Variants in IL10 observed in about 807,000 individuals in gnomAD.
The protein encoded by IL10 is interleukin 10.
In IL10, 7 loss-of-function variants were observed where a neutral mutation model predicts 21.0. The observed-to-expected ratio is 0.33, with a 90% CI of 0.19 to 0.63. IL10 has a LOEUF of 0.63. Ranked by LOEUF, IL10 falls within the 20% of genes least tolerant of loss-of-function variation. The pLI is 0.77. For synonymous variants in IL10, 83 were observed against 79.7 expected, an observed-to-expected ratio of 1.04 and a Z score of -0.22; for missense variants, 161 against 213.0, an observed-to-expected ratio of 0.76 and a Z score of 1.52.
At chr1:206,768,849 G>T (rs976668241) in intron 4 of IL10, 121 bp from the exon 5 acceptor site, 6 of 711,986 alleles carry the variant, frequency 8.4e-6, no homozygotes, top group Admixed American at 8.0e-5. Flanking sequence ...TCTCCCTCAC[G>T]CTGGGAAGTA....
chr1:206,771,640 G>A (rs747717540), intron 1 of IL10, among the ~76,000 whole-genome samples: 18 of 152,168 alleles, frequency 1.2e-4, no homozygotes, highest in Non-Finnish European at 2.4e-4. Flanking sequence ...AAATCTGGCC[G>A]ATTTTGAAGG....
Position 206,772,368 on chromosome 1 carries a change from C to T in IL10, c.68G>A (p.Gly23Asp). 2 of 1,614,142 alleles carry T rather than the reference C, an allele frequency of 1.2e-6. No individual in the cohort carries two copies. Among genetic ancestry groups the T allele is most frequent in the Non-Finnish European group, 1.7e-6 (2 of 1,179,994 alleles). Residue 23 changes from glycine to aspartate, a missense_variant, in exon 1 of 5, where the codon GGC becomes GAC. Physicochemically the swap from Gly to Asp is moderately conservative, Grantham distance 94. Transcript: ENST00000423557. ...GGTGCAGCTGTTCTCAGACTGGGTG[C>T]CCTGGCCTGGGCTGGCCCTCACCCC... Reference protein sequence around the residue: ...LTGVRASPGQGTQSENSCTHF... With the variant: ...LTGVRASPGQDTQSENSCTHF...
At chr1:206,769,690 C>T in intron 4 of IL10, 139 bp downstream of exon 4, 1 of 744,386 alleles carries the variant, frequency 1.3e-6, no homozygotes. Flanking sequence ...CTGAGCAGGT[C>T]ATACCATCTG....
chr1:206,770,077 C>G (rs1479401105), intron 3 of IL10, among the ~76,000 whole-genome samples, 183 bp from the exon 4 acceptor site: 1 of 152,176 alleles, frequency 6.6e-6, no homozygotes, highest in African/African-American at 2.4e-5. Flanking sequence ...TTCTCCAGGA[C>G]TCACTCCAAG....
chr1:206,772,385 C>T lies in IL10; in HGVS notation c.51G>A (p.Arg17=), dbSNP rs1338962228. 1 of 1,614,040 alleles carries T rather than the reference C, an allele frequency of 6.2e-7. No individual in the cohort carries two copies. Among genetic ancestry groups the T allele is most frequent in the Admixed American group, 1.7e-5 (1 of 60,024 alleles). The change falls in exon 1 of 5, where the codon AGG becomes AGA. Residue 17 remains arginine (R), a synonymous_variant. Transcript: ENST00000423557. ...ACTGGGTGCCCTGGCCTGGGCTGGC[C>T]CTCACCCCAGTCAGGAGGACCAGGC... ...LCCLVLLTGV[R]ASPGQGTQSE...
intron 3 of IL10, 107 bp from the exon 4 acceptor site, chr1:206,770,001 T>C: frequency 1.2e-6 from 1 of 840,870 alleles, no homozygotes. Flanking sequence ...TTTATCCAAA[T>C]GCCTTGCCTC....
At position 206,769,890 on chromosome 1, in the gene IL10, C is replaced by G; in HGVS notation, c.383G>C (p.Arg128Pro). The G allele has an allele frequency of 6.2e-7, 1 of 1,613,566 alleles. No homozygotes were observed. The highest frequency in any genetic ancestry group is 1.3e-5 in the African/African-American group (1 of 75,006). Residue 128 changes from arginine to proline, a missense_variant, in exon 4 of 5, where the codon CGA becomes CCA. Arg to Pro is a moderately radical substitution (Grantham distance 103). Coordinates refer to ENST00000423557, the MANE Select transcript of IL10 (RefSeq NM_000572.3). ...TLRLRLRRCH[R>P]FLPCENKSKA... ...GCTCTTGTTTTCACAGGGAAGAAAT[C>G]GATGCTGTGGAAGAAAAGAGAAAGT...
intron 1 of IL10, 123 bp downstream of exon 1, chr1:206,772,148 T>C (rs1674868456): frequency 2.4e-6 from 2 of 848,932 alleles, no homozygotes; most frequent in Admixed American, 3.9e-5. Context: ...GAATTTAAGT[T>C]TGGGGGAATA....
At chr1:206,771,989 T>C (rs2102440541) in intron 1 of IL10, among the ~76,000 whole-genome samples, 1 of 152,332 alleles carries the variant, frequency 6.6e-6, no homozygotes, top group East Asian at 1.9e-4. Context: ...TCCTAGCCAA[T>C]AAAGTATAGA....
intron 1 of IL10, 23 bp downstream of exon 1, chr1:206,772,248 G>C: frequency 5.0e-6 from 8 of 1,608,368 alleles, no homozygotes; most frequent in Non-Finnish European, 6.8e-6. Flanking sequence ...AAGAGAGAAA[G>C]GACAGGAAGG....
Position 206,771,008 on chromosome 1 carries a change from C to T in IL10, c.277G>A (p.Glu93Lys). Residue 93 changes from glutamate to lysine, a missense_variant, in exon 3 of 5, where the codon GAG (glutamate) becomes AAG (lysine). Coordinates refer to ENST00000423557, the MANE Select transcript of IL10 (RefSeq NM_000572.3). ...TGGTTCTCAGCTTGGGGCATCACCT[C>T]CTCCAGGTAAAACTGGATCATCTCA... ...LSEMIQFYLE[E>K]VMPQAENQDP... is the part of the protein sequence containing the mutation. 6.2e-7 allele frequency: 1 copy of T among 1,614,144 alleles called. No homozygotes were observed. Among genetic ancestry groups the T allele is most frequent in the Non-Finnish European group, 8.5e-7 (1 of 1,179,986 alleles).
intron 3 of IL10, chr1:206,770,604 G>T: frequency 2.3e-6 from 1 of 439,332 alleles, no homozygotes; most frequent in East Asian, 4.3e-5. Flanking sequence ...GGCAGTGGAG[G>T]CCTGACTGAA....
chr1:206,771,676 G>A (rs373403621), intron 1 of IL10, among the ~76,000 whole-genome samples: 8 of 152,282 alleles, frequency 5.3e-5, no homozygotes, highest in African/African-American at 1.9e-4. Context: ...ACTCAGTCCT[G>A]GTCTTCTTTC....
chr1:206,767,725 A>ATTTATT lies in IL10; in HGVS notation c.*905_*910dup, dbSNP rs1295041497. The ATTTATT allele has an allele frequency of 2.0e-5, 3 of 152,202 alleles. No individual in the cohort carries two copies. Among genetic ancestry groups the ATTTATT allele is most frequent in the Admixed American group, 6.5e-5 (1 of 15,270 alleles). The allele number at this position is 152,202 out of a possible 1,614,324, so 9.4% of individuals were successfully genotyped here. A position where few individuals can be genotyped will look rare whatever the true frequency, so the allele number is the denominator to read the frequency against. On this transcript the variant is annotated 3_prime_UTR_variant, in exon 5 of 5. Transcript: ENST00000423557. ...TAAAACTGAGTTCTATTAGAACCAA[A>ATTTATT]TTTATTTTTATTTTTATTTTTTGAG...
At chr1:206,771,813 C>T (rs1674853122) in intron 1 of IL10, among the ~76,000 whole-genome samples, 3 of 152,182 alleles carry the variant, frequency 2.0e-5, no homozygotes, top group African/African-American at 7.2e-5. Context: ...TGGAAAGATC[C>T]CAGGGATTAA....
intron 3 of IL10, chr1:206,770,316 C>G (rs536320431): frequency 3.1e-6 from 1 of 322,004 alleles, no homozygotes; most frequent in Non-Finnish European, 6.1e-6. Context: ...CAAATAGACA[C>G]CAACTGATTT....
At chr1:206,771,855 T>C (rs1674854751) in intron 1 of IL10, among the ~76,000 whole-genome samples, 1 of 152,250 alleles carries the variant, frequency 6.6e-6, no homozygotes, top group Non-Finnish European at 1.5e-5. Flanking sequence ...TTCCCTCATG[T>C]AGAGTGCTTC....
chr1:206,769,749 C>T lies in IL10; in HGVS notation c.444+80G>A, dbSNP rs1364660957. On this transcript the variant is annotated intron_variant, in intron 4 of 4. Transcript: ENST00000423557. ...TGAAGAATGGGGCCTATTGAGTCCC[C>T]ACCACCTTCCATGCTTTGGGGTTGG... 6 of 1,128,410 alleles carry T rather than the reference C, an allele frequency of 5.3e-6. No homozygotes were observed. In the East Asian group the frequency reaches 9.4e-5, roughly 18 times the overall value. The allele number at this position is 1,128,410 out of a possible 1,614,324, so 69.9% of individuals were successfully genotyped here.
rs751134741 is a variant in IL10, at chr1:206,768,613, T to C, written c.*23A>G. The C allele has an allele frequency of 1.4e-6, 2 of 1,384,184 alleles. No homozygotes were observed. Among genetic ancestry groups the C allele is most frequent in the South Asian group, 1.2e-5 (1 of 86,206 alleles). The allele number at this position is 1,384,184 out of a possible 1,614,324, so 85.7% of individuals were successfully genotyped here. A position where few individuals can be genotyped will look rare whatever the true frequency, so the allele number is the denominator to read the frequency against. On this transcript the variant is annotated 3_prime_UTR_variant, in exon 5 of 5. Transcript: ENST00000423557. ...GACCTCTAATTTATGTCCTAGAGTC[T>C]ATAGAGTCGCCACCCTGATGTCTCA... is the stretch of plus-strand genomic sequence containing the variant.
Sources: gnomAD v4.1 joint callset for allele counts (sites outside exome capture counted in the v4.1 genomes callset) on GRCh38, gnomAD v4.1.1 for gene constraint, MANE v1.5 for transcripts, NCBI Gene and HGNC (gene_info 2026-07-23, HGNC 2026-07-21) for gene names.